FOXP1: variants seen among roughly 807,000 people sequenced by gnomAD.
The protein encoded by FOXP1 is forkhead box protein P1.
FOXP1 carries 15 observed loss-of-function variants against 98.2 expected under a neutral mutation model. The observed-to-expected ratio is 0.15, with a 90% CI of 0.10 to 0.24. FOXP1 has a LOEUF of 0.24. FOXP1 is among the 10% of genes least tolerant of loss of function. FOXP1 has a pLI of 1.00. For missense variants in FOXP1, 633 were observed against 848.5 expected (o/e 0.75, Z 3.15); for synonymous variants, 371 against 314.5 (o/e 1.18, Z -1.90).
At chr3:71,454,419 T>C (rs760318120) in intron 3 of FOXP1, among the ~76,000 whole-genome samples, 7 of 152,124 alleles carry the variant, frequency 4.6e-5, no homozygotes, top group Non-Finnish European at 1.0e-4. Context: ...GAGACAGGTG[T>C]TCGATAGAAA....
At chr3:71,246,955 G>T (rs147603789) in intron 5 of FOXP1, among the ~76,000 whole-genome samples, 1 of 152,264 alleles carries the variant, frequency 6.6e-6, no homozygotes, top group East Asian at 1.9e-4. Context: ...CGATTTTCCA[G>T]TTGCAGTAAA....
chr3:71,260,845 A>G (rs2069073793), intron 5 of FOXP1, among the ~76,000 whole-genome samples: 2 of 152,120 alleles, frequency 1.3e-5, no homozygotes, highest in Admixed American at 1.3e-4. Flanking sequence ...CCCGGCCTAC[A>G]GTTCTAGTTA....
At chr3:71,389,210 G>C (rs1284259345) in intron 3 of FOXP1, among the ~76,000 whole-genome samples, 1 of 128,932 alleles carries the variant, frequency 7.8e-6, no homozygotes, top group Non-Finnish European at 1.6e-5. Context: ...CAATCAATTA[G>C]GACTCCATAT....
rs1431115857 is a variant in FOXP1, at chr3:70,958,911, T to G, written c.*336A>C. 2.4e-6 allele frequency: 1 copy of G among 423,552 alleles called. No individual in the cohort carries two copies. Among genetic ancestry groups the G allele is most frequent in the Non-Finnish European group, 4.4e-6 (1 of 226,106 alleles). 26.2% of individuals were successfully genotyped at this position (423,552 alleles called of 1,614,324 possible). A position where few individuals can be genotyped will look rare whatever the true frequency, so the allele number is the denominator to read the frequency against. On this transcript the variant is annotated 3_prime_UTR_variant, in exon 21 of 21. Coordinates refer to ENST00000649528, the MANE Select transcript of FOXP1 (RefSeq NM_001349338.3). Reference sequence around the variant, plus strand: ...CCTCAGTGTCCAACGTTGGCAGGACTGCAGTTCAAAGTCTGCTGCTAAAAG... The same window carrying G: ...CCTCAGTGTCCAACGTTGGCAGGACGGCAGTTCAAAGTCTGCTGCTAAAAG...
chr3:71,032,149 G>A (rs993073115), intron 11 of FOXP1, among the ~76,000 whole-genome samples: 1 of 152,220 alleles, frequency 6.6e-6, no homozygotes, highest in Non-Finnish European at 1.5e-5. Context: ...GCGCAGCCCC[G>A]ATGCCTTCCT....
chr3:71,521,495 C>G (rs149851430), intron 2 of FOXP1, among the ~76,000 whole-genome samples: 2,217 of 149,768 alleles, frequency 0.015, 21 homozygotes, highest in Middle Eastern at 0.056. Context: ...CCACTGCACT[C>G]CAGTTTGGCC....
chr3:71,286,359 C>T (rs2072140079), intron 5 of FOXP1, among the ~76,000 whole-genome samples: 1 of 140,964 alleles, frequency 7.1e-6, no homozygotes, highest in Non-Finnish European at 1.5e-5. Flanking sequence ...ACACAGGGAG[C>T]CTCATAGAAA....
intron 5 of FOXP1, among the ~76,000 whole-genome samples, chr3:71,210,120 C>T (rs1194050281): frequency 1.3e-5 from 2 of 152,148 alleles, no homozygotes; most frequent in African/African-American, 4.8e-5. Context: ...TTGGAATTTT[C>T]CACTCTGTCT....
At chr3:71,501,731 T>C (rs1476966509) in intron 2 of FOXP1, among the ~76,000 whole-genome samples, 3 of 152,232 alleles carry the variant, frequency 2.0e-5, no homozygotes, top group Admixed American at 1.3e-4. Context: ...AATAATTTAA[T>C]GCCACTAACC....
At chr3:71,022,209 C>T (rs963420811) in intron 11 of FOXP1, among the ~76,000 whole-genome samples, 1 of 152,070 alleles carries the variant, frequency 6.6e-6, no homozygotes, top group Non-Finnish European at 1.5e-5. Context: ...ACTACTCTAT[C>T]CCCAATGAAT....
rs201177954 is a variant in FOXP1 at position 71,133,677 on chromosome 3, TAA to T, written c.181-21042_181-21041del. Among the ~76,000 whole-genome samples the T allele has an allele frequency of 6.5e-5, 9 of 139,364 alleles. No individual in the cohort carries two copies. The East Asian group carries it at 1.5e-3, about 23-fold the overall frequency. The allele number at this position is 139,364 out of a possible 152,430, so 91.4% of individuals were successfully genotyped here. A position where few individuals can be genotyped will look rare whatever the true frequency, so the allele number is the denominator to read the frequency against. On this transcript the variant is annotated intron_variant, in intron 6 of 20. Transcript: ENST00000649528. ...CCTCTTAATGTAGTCCTCCTCTAAA[TAA>T]AAAAAAAAAGGACACACAACAAAAT...
chr3:71,395,682 T>A (rs1383255307), intron 3 of FOXP1, among the ~76,000 whole-genome samples: 1 of 152,118 alleles, frequency 6.6e-6, no homozygotes, highest in African/African-American at 2.4e-5. Context: ...TTCTTGGCAG[T>A]CTTGTTAACA....
intron 13 of FOXP1, 84 bp from the exon 14 acceptor site, chr3:70,988,161 C>G (rs963745800): frequency 7.0e-6 from 8 of 1,150,428 alleles, no homozygotes; most frequent in Non-Finnish European, 9.2e-6. Context: ...TTACAAATTA[C>G]GCTATGGCAC....
chr3:71,234,527 A>G (rs975652149), intron 5 of FOXP1, among the ~76,000 whole-genome samples: 3 of 152,174 alleles, frequency 2.0e-5, no homozygotes, highest in African/African-American at 7.2e-5. Context: ...AAGTTTCGTC[A>G]CCCCAAGGAC....
intron 5 of FOXP1, among the ~76,000 whole-genome samples, chr3:71,299,171 G>C (rs566343598): frequency 6.6e-6 from 1 of 152,182 alleles, no homozygotes; most frequent in East Asian, 1.9e-4. Context: ...TCCCAAAAGC[G>C]AATTTGAGAA....
At chr3:71,465,811 T>C (rs1328395265) in intron 3 of FOXP1, among the ~76,000 whole-genome samples, 1 of 152,138 alleles carries the variant, frequency 6.6e-6, no homozygotes, top group Non-Finnish European at 1.5e-5. Flanking sequence ...AAGCAAGCAT[T>C]ACAGCCTGAG....
rs2061119577 is a variant in FOXP1, at chr3:71,161,267, T to C, written c.180+36935A>G. On this transcript the variant is annotated intron_variant, in intron 6 of 20. Coordinates refer to ENST00000649528, the MANE Select transcript of FOXP1 (RefSeq NM_001349338.3). ...ATTCTGGGGATTGGCTGGGCTCAGC[T>C]AGGCGATTCTTTGGTTGGGGTAATT... Among the ~76,000 whole-genome samples the C allele has an allele frequency of 2.0e-5, 3 of 152,342 alleles. No individual in the cohort carries two copies. In the South Asian group the frequency reaches 6.2e-4, roughly 32 times the overall value.
intron 5 of FOXP1, among the ~76,000 whole-genome samples, chr3:71,209,686 T>C (rs2064309283): frequency 6.6e-6 from 1 of 152,218 alleles, no homozygotes; most frequent in Non-Finnish European, 1.5e-5. Context: ...GTTTAATCTC[T>C]AAAAATTTCC....
chr3:71,127,530 A>C (rs1296961200), intron 6 of FOXP1, among the ~76,000 whole-genome samples: 5 of 152,182 alleles, frequency 3.3e-5, no homozygotes, highest in Non-Finnish European at 7.4e-5. Context: ...CCCAACCATC[A>C]ACATCATGCA....
Sources: allele counts gnomAD v4.1 joint callset (sites outside exome capture counted in the v4.1 genomes callset), GRCh38; gene constraint gnomAD v4.1.1; transcripts MANE v1.5; gene names NCBI Gene and HGNC (gene_info 2026-07-23, HGNC 2026-07-21).